The following ANKS1B variants were observed in gnomAD, a reference collection of about 807,000 sequenced individuals.
ANKS1B encodes ankyrin repeat and sterile alpha motif domain-containing protein 1B.
In ANKS1B, 36 loss-of-function variants were observed where a neutral mutation model predicts 148.3. The observed-to-expected ratio is 0.24, with a 90% CI of 0.19 to 0.32. The LOEUF is 0.32. ANKS1B is among the 10% of genes least tolerant of loss of function. ANKS1B has a pLI of 1.00. For synonymous variants in ANKS1B, 542 were observed against 560.8 expected (o/e 0.97, Z 0.47); for missense variants, 1,157 against 1,542.6 (o/e 0.75, Z 4.19).
At chr12:99,695,075 G>C (rs558072539) in intron 8 of ANKS1B, among the ~76,000 whole-genome samples, 4 of 113,940 alleles carry the variant, frequency 3.5e-5, no homozygotes, top group East Asian at 3.9e-4. Context: ...ATCTCAAAGT[G>C]GGGGGGAAAT....
intron 1 of ANKS1B, among the ~76,000 whole-genome samples, chr12:99,972,246 A>G (rs954174712): frequency 1.3e-4 from 20 of 152,202 alleles, no homozygotes; most frequent in African/African-American, 4.8e-4. Context: ...CTCACTTTAA[A>G]CGAAAAGCTA....
At chr12:99,958,793 G>A (rs2095361746) in intron 1 of ANKS1B, among the ~76,000 whole-genome samples, 1 of 152,196 alleles carries the variant, frequency 6.6e-6, no homozygotes, top group East Asian at 1.9e-4. Flanking sequence ...GACAGAAGTA[G>A]TAAGGAAAAA....
intron 12 of ANKS1B, among the ~76,000 whole-genome samples, chr12:99,339,021 T>G (rs2089463178): frequency 6.6e-6 from 1 of 152,104 alleles, no homozygotes; most frequent in Non-Finnish European, 1.5e-5. Flanking sequence ...GTGCAAGCAG[T>G]TCCTTGGCTG....
At position 99,913,735 on chromosome 12, in the gene ANKS1B, T is replaced by C. The variant is rs571024133; in HGVS notation, c.134+70369A>G. On this transcript the variant is annotated intron_variant, in intron 1 of 26. Transcript: ENST00000683438. Reference sequence around the variant, plus strand: ...AAGAAAATATATATATTTGGGGGAGTTGGAAAAGTTTGGAAAATTTCAAAA... The same window carrying C: ...AAGAAAATATATATATTTGGGGGAGCTGGAAAAGTTTGGAAAATTTCAAAA... Among the ~76,000 whole-genome samples the C allele has an allele frequency of 2.0e-5, 3 of 151,656 alleles. No homozygotes were observed. In the East Asian group the frequency reaches 5.8e-4, roughly 29 times the overall value.
intron 12 of ANKS1B, among the ~76,000 whole-genome samples, chr12:99,381,358 T>C (rs1372922295): frequency 6.6e-6 from 1 of 152,198 alleles, no homozygotes; most frequent in Non-Finnish European, 1.5e-5. Flanking sequence ...ACTTTGAGGA[T>C]TATCAGTATG....
chr12:99,877,555 A>T (rs2092195465), intron 1 of ANKS1B, among the ~76,000 whole-genome samples: 1 of 152,246 alleles, frequency 6.6e-6, no homozygotes, highest in South Asian at 2.1e-4. Context: ...AGAATGCATG[A>T]GAGGTAAATT....
chr12:99,508,243 T>C (rs2096731600), intron 9 of ANKS1B, among the ~76,000 whole-genome samples: 1 of 151,842 alleles, frequency 6.6e-6, no homozygotes, highest in South Asian at 2.1e-4. Flanking sequence ...AGGTGTTTTG[T>C]TATTTAGGAT....
intron 12 of ANKS1B, among the ~76,000 whole-genome samples, chr12:99,301,484 A>C (rs73383303): frequency 0.092 from 14,082 of 152,244 alleles, 1,613 homozygotes; most frequent in African/African-American, 0.27. Flanking sequence ...TAATGCATTT[A>C]GTGGACCATT....
At chr12:99,372,288 GA>G (rs1188401146) in intron 12 of ANKS1B, among the ~76,000 whole-genome samples, 1 of 151,134 alleles carries the variant, frequency 6.6e-6, no homozygotes, top group Non-Finnish European at 1.5e-5. Context: ...AACCTAAAAA[GA>G]AAAAATATGT....
chr12:99,797,664 G>GAA (rs374080704), intron 4 of ANKS1B, among the ~76,000 whole-genome samples: 6 of 146,366 alleles, frequency 4.1e-5, no homozygotes, highest in African/African-American at 1.3e-4. Flanking sequence ...CCTTTTAGGG[G>GAA]AAAAAAAAAA....
intron 9 of ANKS1B, among the ~76,000 whole-genome samples, chr12:99,538,540 T>C (rs1026004375): frequency 2.0e-5 from 3 of 152,166 alleles, no homozygotes; most frequent in African/African-American, 7.2e-5. Context: ...TTTTATTTCT[T>C]TGTCACATTG....
At chr12:99,592,244 A>G (rs1303130169) in intron 9 of ANKS1B, among the ~76,000 whole-genome samples, 1 of 152,146 alleles carries the variant, frequency 6.6e-6, no homozygotes, top group Non-Finnish European at 1.5e-5. Context: ...AGCACACGAA[A>G]TGCTCTTTAT....
chr12:99,806,339 C>T, intron 4 of ANKS1B, 65 bp downstream of exon 4: 1 of 1,574,484 alleles, frequency 6.4e-7, no homozygotes, highest in Non-Finnish European at 8.6e-7. Context: ...CAGGTTTTCA[C>T]ATTTGAATCC....
intron 17 of ANKS1B, among the ~76,000 whole-genome samples, chr12:99,023,283 A>G (rs1309632180): frequency 6.6e-6 from 1 of 152,056 alleles, no homozygotes; most frequent in East Asian, 1.9e-4. Context: ...CTTTGAGTTC[A>G]GCTTTCTTAT....
At chr12:99,338,746 C>G (rs369845108) in intron 12 of ANKS1B, among the ~76,000 whole-genome samples, 8 of 152,260 alleles carry the variant, frequency 5.3e-5, no homozygotes, top group African/African-American at 1.9e-4. Flanking sequence ...GGTGATGAAT[C>G]TTGCCTGGAT....
chr12:99,414,038 T>C (rs565083365), intron 11 of ANKS1B, among the ~76,000 whole-genome samples: 9 of 152,286 alleles, frequency 5.9e-5, no homozygotes, highest in African/African-American at 1.9e-4. Context: ...CAGGGCTTTC[T>C]GAGAGCAGAC....
chr12:99,177,051 C>A (rs1276512799), intron 14 of ANKS1B, among the ~76,000 whole-genome samples: 1 of 152,162 alleles, frequency 6.6e-6, no homozygotes, highest in African/African-American at 2.4e-5. Flanking sequence ...ATATGGGAAT[C>A]CTTCAAAGTA....
rs1338363549 is a variant in ANKS1B at position 99,984,804 on chromosome 12, G to C, written c.-567C>G. On this transcript the variant is annotated 5_prime_UTR_variant, in exon 1 of 27. Transcript: ENST00000683438. ...CGGCTCGTGCGCTGTGGCCCGCGCC[G>C]AGGCAGGGCGGTGGGGGGCAGCCGC... 6.8e-6 allele frequency: 1 copy of C among 147,210 alleles called. No individual in the cohort carries two copies. Among genetic ancestry groups the C allele is most frequent in the Admixed American group, 6.8e-5 (1 of 14,720 alleles). The allele number at this position is 147,210 out of a possible 1,614,324, so 9.1% of individuals were successfully genotyped here.
At chr12:99,647,248 T>C (rs959076567) in intron 9 of ANKS1B, among the ~76,000 whole-genome samples, 1 of 152,160 alleles carries the variant, frequency 6.6e-6, no homozygotes, top group African/African-American at 2.4e-5. Context: ...TTCATGTCAA[T>C]AAATAGGAAA....
Sources: gnomAD v4.1 joint callset for allele counts (sites outside exome capture counted in the v4.1 genomes callset) on GRCh38, gnomAD v4.1.1 for gene constraint, MANE v1.5 for transcripts, NCBI Gene and HGNC (gene_info 2026-07-23, HGNC 2026-07-21) for gene names.